The following EML1 variants were observed in gnomAD, a reference collection of about 807,000 sequenced individuals.
EML1 encodes the protein echinoderm microtubule-associated protein-like 1.
EML1 carries 27 observed loss-of-function variants against 110.4 expected under a neutral mutation model. That is an observed-to-expected ratio of 0.24 (90% CI 0.18 to 0.34). The LOEUF (loss-of-function observed/expected upper bound fraction) is 0.34. Among genes scored for constraint, EML1 ranks in the 10% least tolerant of loss-of-function variants. The probability of loss-of-function intolerance (pLI) is 1.00; values close to 1 mark genes in which losing one functional copy is unlikely to be tolerated. For missense variants in EML1, 741 were observed against 1,030.9 expected, an observed-to-expected ratio of 0.72 and a Z score of 3.85; for synonymous variants, 344 against 385.8, an observed-to-expected ratio of 0.89 and a Z score of 1.27.
rs2058784814 is a variant in EML1 at position 99,850,859 on chromosome 14, G to A, written c.74G>A (p.Ser25Asn). The A allele has an allele frequency of 6.2e-7, 1 of 1,613,244 alleles. No individual in the cohort carries two copies. Among genetic ancestry groups the A allele is most frequent in the South Asian group, 1.1e-5 (1 of 90,982 alleles). The change falls in exon 2 of 22, where the codon AGC (serine) becomes AAC (asparagine). Residue 25 changes from serine to asparagine, a missense_variant. Physicochemically the swap from Ser to Asn is conservative, Grantham distance 46. Coordinates refer to ENST00000262233, the MANE Select transcript of EML1 (RefSeq NM_004434.3). ...SSLLQFCNDD[S>N]ASAASSMEVT... Reference sequence around the variant, plus strand: ...GATCCTTTCTTTGGTTTAGATGACAGCGCTTCTGCTGCAAGTAGCATGGAG... The same window carrying A: ...GATCCTTTCTTTGGTTTAGATGACAACGCTTCTGCTGCAAGTAGCATGGAG...
intron 1 of EML1, among the ~76,000 whole-genome samples, chr14:99,833,204 G>A (rs976756524): frequency 1.1e-4 from 17 of 152,182 alleles, no homozygotes; most frequent in African/African-American, 4.1e-4. Flanking sequence ...TATGGATTGA[G>A]GTTCTTTTGT....
intron 3 of EML1, among the ~76,000 whole-genome samples, chr14:99,876,835 G>C (rs2139929366): frequency 6.6e-6 from 1 of 152,226 alleles, no homozygotes; most frequent in East Asian, 1.9e-4. Flanking sequence ...CTGGTGACAG[G>C]GTCAGTGTGT....
chr14:99,923,966 T>C (rs944438724), intron 17 of EML1, among the ~76,000 whole-genome samples: 3 of 152,230 alleles, frequency 2.0e-5, no homozygotes, highest in Admixed American at 6.5e-5. Context: ...CTCGTCAATT[T>C]CTAACTTTGA....
chr14:99,841,565 G>T (rs2058634460), intron 1 of EML1, among the ~76,000 whole-genome samples: 1 of 152,166 alleles, frequency 6.6e-6, no homozygotes, highest in Non-Finnish European at 1.5e-5. Context: ...CCCAGACAGG[G>T]CAGTATAGGT....
chr14:99,793,441 C>T lies in EML1; in HGVS notation c.-36C>T. The T allele has an allele frequency of 9.7e-7, 1 of 1,035,114 alleles. No homozygotes were observed. The highest frequency in any genetic ancestry group is 4.4e-5 in the South Asian group (1 of 22,824). 64.1% of individuals were successfully genotyped at this position (1,035,114 alleles called of 1,614,324 possible). On this transcript the variant is annotated 5_prime_UTR_variant, in exon 1 of 22. Coordinates refer to ENST00000262233, the MANE Select transcript of EML1 (RefSeq NM_004434.3). The stretch of plus-strand genomic sequence containing the variant: ...GTGTGGTGAGCGGCGGCGGCGCGGC[C>T]GGGCCGGGGAGCGGGCGCGGCCCGG...
rs150645395 is a variant in EML1 at position 99,763,107 on chromosome 14, T to G, written c.28+25247T>G. On this transcript the variant is annotated intron_variant, in intron 1 of 10. Coordinates refer to the EML1 transcript ENST00000554479. ...ACAGTTTTATAAGGGAGAGTTTCCC[T>G]GCACAAACTCTCTCTTTGCCTGCCG... Among the ~76,000 whole-genome samples, 852 of 152,282 alleles carry G rather than the reference T, an allele frequency of 5.6e-3. 10 individuals are homozygous for G. The highest frequency in any genetic ancestry group is 0.02 in the African/African-American group (822 of 41,562).
At chr14:99,807,067 G>A (rs1190790955) in intron 1 of EML1, among the ~76,000 whole-genome samples, 3 of 152,088 alleles carry the variant, frequency 2.0e-5, no homozygotes, top group East Asian at 1.9e-4. Context: ...GTTTGATGCC[G>A]TGAACGCCTG....
intron 17 of EML1, among the ~76,000 whole-genome samples, chr14:99,933,007 A>G (rs374058186): frequency 3.3e-5 from 5 of 151,952 alleles, no homozygotes; most frequent in Admixed American, 6.6e-5. Flanking sequence ...AGTCCCAGCT[A>G]CTCGGGAGAC....
At chr14:99,807,611 C>G (rs562053338) in intron 1 of EML1, among the ~76,000 whole-genome samples, 1 of 152,292 alleles carries the variant, frequency 6.6e-6, no homozygotes, top group East Asian at 1.9e-4. Context: ...AGCCGCCAGA[C>G]AGGAGCTGTG....
intron 5 of EML1, chr14:99,892,087 C>T (rs187067797): frequency 1.3e-4 from 129 of 970,572 alleles, no homozygotes; most frequent in Middle Eastern, 5.3e-4. Flanking sequence ...CTCCGGGCTC[C>T]GGGGCAGGCA....
chr14:99,835,673 T>C (rs951350273), intron 1 of EML1, among the ~76,000 whole-genome samples: 8 of 152,232 alleles, frequency 5.3e-5, no homozygotes, highest in African/African-American at 1.7e-4. Flanking sequence ...TTCATTCAGT[T>C]AGAAATACTT....
At chr14:99,914,726 T>G in intron 15 of EML1, 29 bp downstream of exon 15, 3 of 1,583,640 alleles carry the variant, frequency 1.9e-6, no homozygotes, top group Non-Finnish European at 2.6e-6. Context: ...TTTCCATTTT[T>G]CTTACAGAAA....
At chr14:99,856,807 G>A (rs2058909869) in intron 2 of EML1, among the ~76,000 whole-genome samples, 2 of 152,142 alleles carry the variant, frequency 1.3e-5, no homozygotes, top group African/African-American at 4.8e-5. Context: ...GTAGAAAGAA[G>A]AGTACCTTTT....
At position 99,883,970 on chromosome 14, in the gene EML1, G is replaced by C. The variant is rs113590450; in HGVS notation, c.518+5351G>C. Among the ~76,000 whole-genome samples, 1,429 of 152,332 alleles carry C rather than the reference G, an allele frequency of 9.4e-3. 31 individuals carry two copies. The highest frequency in any genetic ancestry group is 0.033 in the African/African-American group (1,363 of 41,582). ...CACTATAACAAAAGAAGGTTAAAATGATGGGCCTTTATTGCCACAGCCAAG... is the reference window on the plus strand; with the variant it reads ...CACTATAACAAAAGAAGGTTAAAATCATGGGCCTTTATTGCCACAGCCAAG... On this transcript the variant is annotated intron_variant, in intron 4 of 21. Coordinates refer to ENST00000262233, the MANE Select transcript of EML1 (RefSeq NM_004434.3).
chr14:99,769,005 A>G (rs1233521252), upstream of EML1, among the ~76,000 whole-genome samples: 1 of 152,146 alleles, frequency 6.6e-6, no homozygotes, highest in Non-Finnish European at 1.5e-5. Flanking sequence ...GGCGTAAGCC[A>G]CCACGCCTGG....
intron 3 of EML1, among the ~76,000 whole-genome samples, chr14:99,871,170 G>A (rs2059195684): frequency 2.0e-5 from 3 of 152,172 alleles, no homozygotes; most frequent in South Asian, 2.1e-4. Flanking sequence ...TGTTGGCTAA[G>A]ATGATCTCGA....
chr14:99,833,342 C>T (rs549700990), intron 1 of EML1, among the ~76,000 whole-genome samples: 1 of 152,194 alleles, frequency 6.6e-6, no homozygotes, highest in Non-Finnish European at 1.5e-5. Context: ...TGTTTCTTAA[C>T]TCTCTATTCT....
At chr14:99,778,653 A>C (rs1396250974) in intron 1 of EML1, among the ~76,000 whole-genome samples, 5 of 152,218 alleles carry the variant, frequency 3.3e-5, no homozygotes, top group Admixed American at 2.6e-4. Flanking sequence ...GCTTCCTGAG[A>C]AAGGAGGCAC....
chr14:99,789,222 T>G (rs1031286728), upstream of EML1, among the ~76,000 whole-genome samples: 1 of 152,238 alleles, frequency 6.6e-6, no homozygotes, highest in Admixed American at 6.5e-5. Context: ...TTATTTATTT[T>G]TTTTGAGACA....
Sources: gnomAD v4.1 joint callset for allele counts (sites outside exome capture counted in the v4.1 genomes callset) on GRCh38, gnomAD v4.1.1 for gene constraint, MANE v1.5 for transcripts, NCBI Gene and HGNC (gene_info 2026-07-23, HGNC 2026-07-21) for gene names.